The following MITF variants were observed in gnomAD, a reference collection of about 807,000 sequenced individuals.
The protein encoded by MITF is melanocyte inducing transcription factor, also known as microphthalmia-associated transcription factor.
A neutral mutation model predicts 60.5 loss-of-function variants in MITF; 17 were observed. The ratio of observed to expected loss-of-function variants is 0.28; its 90% confidence interval spans 0.19 to 0.42. The LOEUF (loss-of-function observed/expected upper bound fraction) is 0.42. Among genes scored for constraint, MITF ranks in the 10% least tolerant of loss-of-function variants. The pLI is 1.00. For missense variants in MITF, 622 were observed against 683.5 expected, an observed-to-expected ratio of 0.91 and a Z score of 1.00; for synonymous variants, 260 against 248.5, an observed-to-expected ratio of 1.05 and a Z score of -0.43.
chr3:69,773,468 A>G (rs1227500395), intron 1 of MITF, among the ~76,000 whole-genome samples: 2 of 152,198 alleles, frequency 1.3e-5, no homozygotes, highest in Non-Finnish European at 2.9e-5. Context: ...CATGTAAACC[A>G]CGGTTTTGTC....
At chr3:69,837,040 T>A (rs1191045861) in intron 1 of MITF, among the ~76,000 whole-genome samples, 1 of 152,204 alleles carries the variant, frequency 6.6e-6, no homozygotes, top group Non-Finnish European at 1.5e-5. Flanking sequence ...GCCAAGCCCC[T>A]GACCCTTAGG....
At chr3:69,913,707 T>G (rs2065272146) in intron 2 of MITF, among the ~76,000 whole-genome samples, 1 of 152,166 alleles carries the variant, frequency 6.6e-6, no homozygotes, top group Admixed American at 6.5e-5. Context: ...GTTCCCTGGT[T>G]GCATGGGTGT....
chr3:69,869,754 G>A (rs2064187893), intron 1 of MITF, among the ~76,000 whole-genome samples: 1 of 152,110 alleles, frequency 6.6e-6, no homozygotes, highest in East Asian at 1.9e-4. Context: ...CTTTTTGTGG[G>A]TACAGCACAA....
chr3:69,819,387 C>T (rs1482484301), intron 1 of MITF, among the ~76,000 whole-genome samples: 3 of 152,136 alleles, frequency 2.0e-5, no homozygotes, highest in Non-Finnish European at 1.5e-5. Context: ...AGCGCTTAAG[C>T]TAGAAGAATC....
chr3:69,880,215 T>C (rs1481401548), intron 2 of MITF, among the ~76,000 whole-genome samples: 2 of 152,172 alleles, frequency 1.3e-5, no homozygotes, highest in African/African-American at 2.4e-5. Context: ...CATTAAACAA[T>C]GTGAACTTTA....
At chr3:69,911,798 A>C (rs1003402641) in intron 2 of MITF, among the ~76,000 whole-genome samples, 3 of 152,238 alleles carry the variant, frequency 2.0e-5, no homozygotes, top group African/African-American at 7.2e-5. Flanking sequence ...AAAGGAAATC[A>C]GAACCTTCAT....
chr3:69,844,119 A>G (rs2063688785), intron 1 of MITF, among the ~76,000 whole-genome samples: 1 of 152,214 alleles, frequency 6.6e-6, no homozygotes, highest in Non-Finnish European at 1.5e-5. Flanking sequence ...TGTATGTGCT[A>G]CATTTTCTTT....
chr3:69,849,975 C>A (rs1403993855), intron 1 of MITF, among the ~76,000 whole-genome samples: 1 of 152,190 alleles, frequency 6.6e-6, no homozygotes, highest in Non-Finnish European at 1.5e-5. Context: ...TCCAGGGATT[C>A]CTAACCTGTG....
intron 1 of MITF, among the ~76,000 whole-genome samples, chr3:69,753,266 G>A (rs1304385839): frequency 6.6e-6 from 1 of 152,246 alleles, no homozygotes; most frequent in Non-Finnish European, 1.5e-5. Context: ...TGTTAAGCCT[G>A]TAAGTGCACA....
intron 2 of MITF, among the ~76,000 whole-genome samples, 178 bp downstream of exon 2, chr3:69,879,561 T>C (rs1460184810): frequency 3.3e-5 from 5 of 152,358 alleles, no homozygotes; most frequent in South Asian, 4.1e-4. Context: ...TGCAAACGCA[T>C]TGTAACTGTA....
At chr3:69,946,456 C>T (rs907598180) in intron 5 of MITF, among the ~76,000 whole-genome samples, 7 of 152,164 alleles carry the variant, frequency 4.6e-5, no homozygotes, top group African/African-American at 1.7e-4. Context: ...CCCAGTTCTG[C>T]TGTTAACATG....
In MITF at chr3:69,855,659, G is replaced by A. The variant is rs140961125; in HGVS notation, c.105-23475G>A. Among the ~76,000 whole-genome samples, 15 of 151,698 alleles carry A rather than the reference G, an allele frequency of 9.9e-5. No individual in the cohort carries two copies. The East Asian group carries it at 2.9e-3, about 29-fold the overall frequency. On this transcript the variant is annotated intron_variant, in intron 1 of 9. Coordinates refer to ENST00000352241, the MANE Select transcript of MITF (RefSeq NM_001354604.2). ...TGAAGTACTATATAGCTAATACTGG[G>A]GGAAAAATTGTACTAGGAATCTCTT...
At chr3:69,787,639 T>C (rs1438230397) in intron 1 of MITF, among the ~76,000 whole-genome samples, 2 of 152,222 alleles carry the variant, frequency 1.3e-5, no homozygotes, top group African/African-American at 4.8e-5. Flanking sequence ...GATGAGTCAG[T>C]GTGAGGTTTC....
chr3:69,934,588 G>A (rs2065791195), intron 2 of MITF, among the ~76,000 whole-genome samples: 1 of 152,132 alleles, frequency 6.6e-6, no homozygotes, highest in Non-Finnish European at 1.5e-5. Context: ...AGGAGATGAG[G>A]GCCTGGAGAA....
At chr3:69,964,046 G>T (rs1025452560) in intron 9 of MITF, among the ~76,000 whole-genome samples, 5 of 132,918 alleles carry the variant, frequency 3.8e-5, no homozygotes, top group African/African-American at 1.5e-4. Flanking sequence ...GCGCAATCTC[G>T]GCTCACTGCA....
intron 1 of MITF, among the ~76,000 whole-genome samples, chr3:69,808,408 A>G (rs372186622): frequency 6.6e-6 from 1 of 152,142 alleles, no homozygotes; most frequent in African/African-American, 2.4e-5. Context: ...AAGCATACAT[A>G]TTCTCTGTCA....
chr3:69,905,341 TC>T (rs1399428908), intron 2 of MITF, among the ~76,000 whole-genome samples: 2 of 152,164 alleles, frequency 1.3e-5, no homozygotes, highest in Non-Finnish European at 2.9e-5. Flanking sequence ...CCAACTGTAT[TC>T]TTTTATATAG....
chr3:69,910,362 T>C (rs2065196922), intron 2 of MITF, among the ~76,000 whole-genome samples: 1 of 152,200 alleles, frequency 6.6e-6, no homozygotes, highest in East Asian at 1.9e-4. Flanking sequence ...GCTAGGGCAG[T>C]GCAGAAGAGA....
chr3:69,940,582 C>T (rs2065945690), intron 4 of MITF, among the ~76,000 whole-genome samples: 1 of 152,162 alleles, frequency 6.6e-6, no homozygotes, highest in Non-Finnish European at 1.5e-5. Context: ...ACACTGGTAG[C>T]TGTACAAGGA....
Sources: allele counts gnomAD v4.1 joint callset (sites outside exome capture counted in the v4.1 genomes callset), GRCh38; gene constraint gnomAD v4.1.1; transcripts MANE v1.5; gene names NCBI Gene and HGNC (gene_info 2026-07-23, HGNC 2026-07-21).